The following STRC variants were observed in gnomAD, a reference collection of about 807,000 sequenced individuals.
STRC encodes the protein stereocilin.
Under a neutral mutation model 103.5 loss-of-function variants are expected in STRC, and 43 were observed. The observed-to-expected ratio is 0.42, with a 90% confidence interval of 0.33 to 0.54. The LOEUF (loss-of-function observed/expected upper bound fraction) is 0.54. Among genes scored for constraint, STRC ranks in the 20% least tolerant of loss-of-function variants. The probability of loss-of-function intolerance (pLI) is 0.14; values close to 1 mark genes in which losing one functional copy is unlikely to be tolerated. For missense variants in STRC, 499 were observed against 1,088.5 expected, an observed-to-expected ratio of 0.46 and a Z score of 7.62; for synonymous variants, 186 against 442.3, an observed-to-expected ratio of 0.42 and a Z score of 7.27.
chr15:43,603,037 C>T (rs2085683975), intron 23 of STRC, among the ~76,000 whole-genome samples: 1 of 151,812 alleles, frequency 6.6e-6, no homozygotes, highest in East Asian at 1.9e-4. Context: ...ATTTGGTAAC[C>T]ACTGCTTTCG....
chr15:43,606,729 G>A (rs2085712872), intron 18 of STRC, among the ~76,000 whole-genome samples: 1 of 125,504 alleles, frequency 8.0e-6, no homozygotes, highest in Admixed American at 8.3e-5. Context: ...TGAAATCTGT[G>A]GAAAGGCCTA....
intron 23 of STRC, 90 bp from the exon 24 acceptor site, chr15:43,601,641 G>C: frequency 1.5e-6 from 2 of 1,358,782 alleles, no homozygotes; most frequent in Non-Finnish European, 2.1e-6. Context: ...GCCCTTAGCT[G>C]TATAACTCTA....
rs1344964134 is a variant in STRC, at chr15:43,607,893, C to G, written c.3764G>C (p.Gly1255Ala). ...GTCCAGGAGTAGCTTGCTATCCAGCCCGTTCAGTTCTGGCCCTACAGTTGT... is the reference window on the plus strand; with the variant it reads ...GTCCAGGAGTAGCTTGCTATCCAGCGCGTTCAGTTCTGGCCCTACAGTTGT... ...EWTTVGPELN[G>A]LDSKLLLDLP... Residue 1255 changes from glycine (G) to alanine (A), a missense_variant, in exon 18 of 29, where the codon GGG becomes GCG. Transcript: ENST00000450892. 1.2e-6 allele frequency: 2 copies of G among 1,600,016 alleles called. No individual in the cohort carries two copies. The highest frequency in any genetic ancestry group is 1.7e-6 in the Non-Finnish European group (2 of 1,174,806).
chr15:43,608,000 G>C, intron 17 of STRC, 25 bp from the exon 18 acceptor site: 1 of 1,611,050 alleles, frequency 6.2e-7, no homozygotes, highest in Non-Finnish European at 8.5e-7. Context: ...TGTGAGGCCA[G>C]AGCAGAACAT....
chr15:43,601,370 G>A, intron 24 of STRC, 26 bp downstream of exon 24: 7 of 1,612,128 alleles, frequency 4.3e-6, no homozygotes, highest in Non-Finnish European at 5.9e-6. Context: ...TGTTTGGGAA[G>A]CCGTAGGGAG....
At chr15:43,601,911 G>A (rs2085672037) in intron 23 of STRC, among the ~76,000 whole-genome samples, 1 of 151,652 alleles carries the variant, frequency 6.6e-6, no homozygotes, top group South Asian at 2.1e-4. Context: ...CTTGAGCCCA[G>A]AAGTTCGAGA....
chr15:43,601,688 A>G, intron 23 of STRC, 137 bp from the exon 24 acceptor site: 1 of 874,340 alleles, frequency 1.1e-6, no homozygotes, highest in Non-Finnish European at 1.9e-6. Flanking sequence ...TTCCTCCACT[A>G]TAAAATGAGA....
Position 43,601,413 on chromosome 15 carries a change from C to T in STRC, c.4684G>A (p.Gly1562Ser). The change falls in exon 24 of 29, where the codon GGC becomes AGC. Residue 1562 changes from glycine to serine, a missense_variant. By Grantham distance (56) the Gly-to-Ser change is moderately conservative. Coordinates refer to ENST00000450892, the MANE Select transcript of STRC (RefSeq NM_153700.2). ...GVLSTLGQID[G>S]WSTTQLRIVV... ...AGTGTTACCTGAGTGGTGCTCCAGCCATCTATCTGCCCCAGGGTGCTCAGC... is the reference window on the plus strand; with the variant it reads ...AGTGTTACCTGAGTGGTGCTCCAGCTATCTATCTGCCCCAGGGTGCTCAGC... The T allele has an allele frequency of 6.2e-7, 1 of 1,613,670 alleles. No individual in the cohort carries two copies. The highest frequency in any genetic ancestry group is 8.5e-7 in the Non-Finnish European group (1 of 1,179,868).
At chr15:43,609,091 A>G (rs911393583) in intron 16 of STRC, among the ~76,000 whole-genome samples, 185 bp downstream of exon 16, 4 of 149,362 alleles carry the variant, frequency 2.7e-5, no homozygotes, top group African/African-American at 1.0e-4. Flanking sequence ...TCTAGTCAGG[A>G]TAGGCATGGC....
rs2447206 is a variant in STRC, at chr15:43,600,810, T to C, written c.4844+62A>G. 12 of 1,613,396 alleles carry C rather than the reference T, an allele frequency of 7.4e-6. No individual in the cohort carries two copies. In the African/African-American group the frequency reaches 9.4e-5, roughly 13 times the overall value. ...CATGGGACCAGACCTTCATGATCCT[T>C]CTTTCCCCAGTAAGTCCACCTTTAC... On this transcript the variant is annotated intron_variant, in intron 25 of 28. Transcript: ENST00000450892.
rs1309055805 is a variant in STRC at position 43,600,681 on chromosome 15, G to T, written c.4846C>A (p.Gln1616Lys). ...AGGGTGCCGAGGAAGAGAGCTGCTT[G>T]GCTGTAGAACAGTAGGAAGGAAGGA... ...LQHISSWEFS[Q>K]AALFLGTLHL... is the part of the protein sequence containing the mutation. The change falls in exon 26 of 29, where the codon CAA becomes AAA. Residue 1616 changes from glutamine to lysine, a missense_variant and splice_region_variant. By Grantham distance (53) the Gln-to-Lys change is moderately conservative. Coordinates refer to ENST00000450892, the MANE Select transcript of STRC (RefSeq NM_153700.2). The T allele has an allele frequency of 6.2e-7, 1 of 1,613,446 alleles. No homozygotes were observed. Among genetic ancestry groups the T allele is most frequent in the Non-Finnish European group, 8.5e-7 (1 of 1,179,756 alleles).
chr15:43,606,636 C>G (rs2085712334), intron 18 of STRC, among the ~76,000 whole-genome samples: 1 of 121,186 alleles, frequency 8.3e-6, no homozygotes, highest in Non-Finnish European at 1.7e-5. Context: ...ATAAATAAAT[C>G]CCTTTTACCC....
chr15:43,604,011 C>G lies in STRC; in HGVS notation c.4360G>C (p.Ala1454Pro), dbSNP rs1239220467. Residue 1454 changes from alanine (A) to proline (P), a missense_variant, in exon 22 of 29, where the codon GCT becomes CCT. By Grantham distance (27) the Ala-to-Pro change is conservative. Transcript: ENST00000450892. ...GTAGTTTCACCTGGAAGATCCTCAG[C>G]AGCTGGTCGCACCACCCCTGCTACC... ...ALVAGVVRPAAEDLPEPVPNC... is the reference protein window; with the variant it reads ...ALVAGVVRPAPEDLPEPVPNC... 12 of 1,613,038 alleles carry G rather than the reference C, an allele frequency of 7.4e-6. No individual in the cohort carries two copies. The highest frequency in any genetic ancestry group is 1.3e-5 in the African/African-American group (1 of 74,854).
rs758779420 is a variant in STRC, at chr15:43,600,773, G to A, written c.4845-91C>T. On this transcript the variant is annotated intron_variant, in intron 25 of 28. Transcript: ENST00000450892. Reference sequence around the variant, plus strand: ...CAAAGGAAGAGATGGCTTCAAATGAGTTCCCTTCCTCCATGGGACCAGACC... The same window carrying A: ...CAAAGGAAGAGATGGCTTCAAATGAATTCCCTTCCTCCATGGGACCAGACC... The A allele has an allele frequency of 1.3e-4, 209 of 1,612,476 alleles. 1 individual carries two copies. The highest frequency in any genetic ancestry group is 1.7e-4 in the Non-Finnish European group (197 of 1,179,152).
chr15:43,603,975 T>C (rs1438477798), intron 22 of STRC, 21 bp downstream of exon 22: 12 of 1,612,488 alleles, frequency 7.4e-6, no homozygotes, highest in Non-Finnish European at 1.0e-5. Context: ...GCTGGACATA[T>C]AAGTATTTGG....
Position 43,601,451 on chromosome 15 carries a change from A to G in STRC, c.4646T>C (p.Val1549Ala), listed in dbSNP as rs1264822001. 1.9e-6 allele frequency: 3 copies of G among 1,613,674 alleles called. No individual in the cohort carries two copies. The highest frequency in any genetic ancestry group is 1.7e-5 in the Admixed American group (1 of 59,984). The change falls in exon 24 of 29, where the codon GTG (valine) becomes GCG (alanine). Residue 1549 changes from valine (V) to alanine (A), a missense_variant. Transcript: ENST00000450892. ...CAGGGTGCTCAGCACTCCCCAGTCC[A>G]CTAGGATCAGCTCCTGTAGTTCCCG... ...GDRELQELIL[V>A]DWGVLSTLGQ... is the part of the protein sequence containing the mutation.
intron 19 of STRC, 178 bp downstream of exon 19, chr15:43,605,086 A>G: frequency 1.7e-6 from 2 of 1,175,098 alleles, no homozygotes; most frequent in Non-Finnish European, 2.4e-6. Context: ...AGTAACGTGA[A>G]GCATATTATC....
Position 43,603,414 on chromosome 15 carries a change from G to T in STRC, c.4376-3C>A. On this transcript the variant is annotated splice_polypyrimidine_tract_variant and splice_region_variant and intron_variant, in intron 22 of 28. Transcript: ENST00000450892. Reference sequence around the variant, plus strand: ...ATCTGCACAATTTGGCACAGGTTCTGAAGGGGGAAGGCAGGGCCAGGAGGT... The same window carrying T: ...ATCTGCACAATTTGGCACAGGTTCTTAAGGGGGAAGGCAGGGCCAGGAGGT... 1 of 1,613,076 alleles carries T rather than the reference G, an allele frequency of 6.2e-7. No homozygotes were observed.
intron 22 of STRC, 72 bp from the exon 23 acceptor site, chr15:43,603,483 A>C: frequency 2.0e-6 from 3 of 1,514,990 alleles, no homozygotes; most frequent in Non-Finnish European, 1.8e-6. Context: ...CTGTAGATAG[A>C]GTGAGTCTTC....
Sources: gnomAD v4.1 joint callset for allele counts (sites outside exome capture counted in the v4.1 genomes callset) on GRCh38, gnomAD v4.1.1 for gene constraint, MANE v1.5 for transcripts, NCBI Gene and HGNC (gene_info 2026-07-23, HGNC 2026-07-21) for gene names.